LRRFIP1: variants seen among roughly 807,000 people sequenced by gnomAD.
The protein encoded by LRRFIP1 is LRR binding FLII interacting protein 1.
LRRFIP1 carries 62 observed loss-of-function variants against 104.4 expected under a neutral mutation model. The observed-to-expected ratio is 0.59, with a 90% CI of 0.48 to 0.73. The LOEUF (loss-of-function observed/expected upper bound fraction) is 0.73. Among genes scored for constraint, LRRFIP1 ranks in the 30% least tolerant of loss-of-function variants. The probability of loss-of-function intolerance (pLI) is 0.00; values close to 1 mark genes in which losing one functional copy is unlikely to be tolerated. For synonymous variants in LRRFIP1, 300 were observed against 299.0 expected (o/e 1.00, Z -0.03); for missense variants, 796 against 824.5 (o/e 0.97, Z 0.42).
chr2:237,746,590 A>G (rs915140520), intron 11 of LRRFIP1, among the ~76,000 whole-genome samples: 1 of 152,142 alleles, frequency 6.6e-6, no homozygotes, highest in African/African-American at 2.4e-5. Context: ...CTCCAAGTAC[A>G]CAGTTAGGCT....
At chr2:237,752,651 G>T (rs542676928) in intron 14 of LRRFIP1, among the ~76,000 whole-genome samples, 2 of 152,348 alleles carry the variant, frequency 1.3e-5, no homozygotes, top group Non-Finnish European at 2.9e-5. Flanking sequence ...TTGGGGACCT[G>T]CAAGGGTGTG....
intron 1 of LRRFIP1, among the ~76,000 whole-genome samples, chr2:237,674,990 G>A (rs573778116): frequency 4.4e-4 from 67 of 152,370 alleles, no homozygotes; most frequent in African/African-American, 1.4e-3. Context: ...GGAGGAGGGA[G>A]CCCGGAGCAC....
At chr2:237,654,238 C>T (rs925056978) in intron 1 of LRRFIP1, among the ~76,000 whole-genome samples, 6 of 151,886 alleles carry the variant, frequency 4.0e-5, no homozygotes, top group African/African-American at 1.5e-4. Flanking sequence ...ATACAAATGG[C>T]CAATAGATAC....
rs768729218 is a variant in LRRFIP1, at chr2:237,763,365, A to T, written c.1459+3160A>T. ...GAACCCTTAGATATGAAAGAGCCCG[A>T]TGAAGAAAAGAGTGACCAACAGGGA... On this transcript the variant is annotated intron_variant, in intron 19 of 23. Transcript: ENST00000308482. 3.7e-6 allele frequency: 6 copies of T among 1,614,148 alleles called. No homozygotes were observed. The East Asian group carries it at 1.3e-4, about 36-fold the overall frequency.
At chr2:237,638,848 T>C (rs533991078) in intron 1 of LRRFIP1, among the ~76,000 whole-genome samples, 1 of 152,370 alleles carries the variant, frequency 6.6e-6, no homozygotes, top group South Asian at 2.1e-4. Context: ...CACATGGGGC[T>C]GCATACCACT....
At chr2:237,662,443 C>T (rs1242332313) in intron 1 of LRRFIP1, among the ~76,000 whole-genome samples, 2 of 152,134 alleles carry the variant, frequency 1.3e-5, no homozygotes, top group Admixed American at 1.3e-4. Flanking sequence ...TGATTTTATT[C>T]TTCAGGGTGC....
At chr2:237,643,735 GATGA>G (rs58632926) in intron 1 of LRRFIP1, among the ~76,000 whole-genome samples, 31,274 of 151,436 alleles carry the variant, frequency 0.21, 3,362 homozygotes, top group African/African-American at 0.27. Context: ...TACAGGAACA[GATGA>G]ATGAATGAAT....
Position 237,766,339 on chromosome 2 carries a change from GGGCTCTATA to G in LRRFIP1, c.1460-3601_1460-3593del, listed in dbSNP as rs1187478869. ...AATGCTTGCTAGGAAATAAGTCCAA[GGGCTCTATA>G]GGACTTCACAGGGTTTTAGTTTATG... On this transcript the variant is annotated intron_variant, in intron 19 of 23. Coordinates refer to ENST00000308482, the MANE Select transcript of LRRFIP1 (RefSeq NM_001137550.2). The surrounding 1 kb of genome is among the most constrained non-coding windows in gnomAD (Gnocchi z 4.8). Among the ~76,000 whole-genome samples the G allele has an allele frequency of 6.6e-6, 1 of 152,166 alleles. No individual in the cohort carries two copies. Among genetic ancestry groups the G allele is most frequent in the East Asian group, 1.9e-4 (1 of 5,188 alleles).
At chr2:237,720,576 A>G (rs1408332976) in intron 5 of LRRFIP1, among the ~76,000 whole-genome samples, 196 bp from the exon 6 acceptor site, 1 of 152,206 alleles carries the variant, frequency 6.6e-6, no homozygotes, top group African/African-American at 2.4e-5. Flanking sequence ...CATATTGCCC[A>G]TAAGCAGACA....
intron 22 of LRRFIP1, 159 bp from the exon 23 acceptor site, chr2:237,774,199 C>T (rs2150932774): frequency 1.7e-6 from 1 of 600,254 alleles, no homozygotes; most frequent in Admixed American, 3.0e-5. Flanking sequence ...GAATAGCTTG[C>T]TTGGCTCAAA....
chr2:237,708,954 T>A (rs546395792), intron 2 of LRRFIP1, among the ~76,000 whole-genome samples: 1 of 152,234 alleles, frequency 6.6e-6, no homozygotes. Flanking sequence ...AGAATCTAGA[T>A]CCTCTGGATT....
chr2:237,703,846 C>T lies in LRRFIP1; in HGVS notation c.97-4698C>T, dbSNP rs2093665817. Among the ~76,000 whole-genome samples, 1 of 152,188 alleles carries T rather than the reference C, an allele frequency of 6.6e-6. No homozygotes were observed. The highest frequency in any genetic ancestry group is 1.5e-5 in the Non-Finnish European group (1 of 68,040). ...ACAGCACAGTGCATTCCTGTGGCCT[C>T]CCCGGGCCACGGTCAGCCCACAGGC... On this transcript the variant is annotated intron_variant, in intron 1 of 23. Coordinates refer to ENST00000308482, the MANE Select transcript of LRRFIP1 (RefSeq NM_001137550.2). This position sits in a 1 kb window ranked among gnomAD's most constrained non-coding sequence, Gnocchi z 4.3.
intron 11 of LRRFIP1, among the ~76,000 whole-genome samples, chr2:237,745,769 A>G (rs2057759866): frequency 6.6e-6 from 1 of 152,206 alleles, no homozygotes; most frequent in African/African-American, 2.4e-5. Flanking sequence ...GTATTTATCC[A>G]TTGCTGACCA....
chr2:237,643,141 A>G (rs138429306), intron 1 of LRRFIP1, among the ~76,000 whole-genome samples: 29 of 152,374 alleles, frequency 1.9e-4, no homozygotes, highest in African/African-American at 6.3e-4. Context: ...GTTTCAGGCT[A>G]GTTTGTAGCT....
At chr2:237,630,295 G>T (rs968437297) in intron 1 of LRRFIP1, among the ~76,000 whole-genome samples, 1 of 152,142 alleles carries the variant, frequency 6.6e-6, no homozygotes, top group African/African-American at 2.4e-5. Flanking sequence ...GGTTCTTATA[G>T]AAATCAACAA....
intron 15 of LRRFIP1, among the ~76,000 whole-genome samples, chr2:237,754,810 G>A (rs1030279829): frequency 6.6e-6 from 1 of 152,222 alleles, no homozygotes; most frequent in Non-Finnish European, 1.5e-5. Context: ...TCGGGTGGGG[G>A]CCTGTAATGC....
At chr2:237,630,900 G>A (rs552759868) in intron 1 of LRRFIP1, among the ~76,000 whole-genome samples, 9 of 152,210 alleles carry the variant, frequency 5.9e-5, no homozygotes, top group South Asian at 2.1e-4. Flanking sequence ...CCCACACACC[G>A]TCTCTTCTGG....
intron 13 of LRRFIP1, among the ~76,000 whole-genome samples, chr2:237,750,283 T>TTGCTTCCC (rs1351664486): frequency 6.6e-6 from 1 of 151,836 alleles, no homozygotes; most frequent in Non-Finnish European, 1.5e-5. Flanking sequence ...CAGCTCCTTG[T>TTGCTTCCC]TGCTTCCCTT....
intron 20 of LRRFIP1, 197 bp from the exon 21 acceptor site, chr2:237,771,884 C>T: frequency 1.8e-6 from 1 of 558,586 alleles, no homozygotes; most frequent in Non-Finnish European, 3.2e-6. Context: ...TTAGAAATGA[C>T]TTTTCTCTCA....
Sources: gnomAD v4.1 joint callset for allele counts (sites outside exome capture counted in the v4.1 genomes callset) on GRCh38, gnomAD v4.1.1 for gene constraint, Gnocchi (gnomAD v3.1) non-coding constraint, MANE v1.5 for transcripts, NCBI Gene and HGNC (gene_info 2026-07-23, HGNC 2026-07-21) for gene names.